KDM5A: variants seen among roughly 807,000 people sequenced by gnomAD.
KDM5A encodes the protein lysine-specific demethylase 5A.
A neutral mutation model predicts 193.5 loss-of-function variants in KDM5A; 42 were observed. That is an observed-to-expected ratio of 0.22 (90% CI 0.17 to 0.28). The LOEUF is 0.28. KDM5A is among the 10% of genes least tolerant of loss of function. KDM5A has a pLI of 1.00. For missense variants in KDM5A, 1,692 were observed against 2,055.1 expected (o/e 0.82, Z 3.42); for synonymous variants, 796 against 718.1 (o/e 1.11, Z -1.73).
intron 3 of KDM5A, among the ~76,000 whole-genome samples, chr12:370,164 A>G (rs1944407696): frequency 6.6e-6 from 1 of 152,194 alleles, no homozygotes; most frequent in Non-Finnish European, 1.5e-5. Flanking sequence ...AGGCCGAGGC[A>G]GGTGGATCAC....
intron 10 of KDM5A, among the ~76,000 whole-genome samples, chr12:348,178 G>A (rs1376534944): frequency 6.6e-6 from 1 of 152,114 alleles, no homozygotes; most frequent in Admixed American, 6.5e-5. Flanking sequence ...CATCATCACT[G>A]GCCATCAGAG....
intron 3 of KDM5A, among the ~76,000 whole-genome samples, chr12:378,300 ACT>A (rs1187398018): frequency 6.6e-6 from 1 of 151,920 alleles, no homozygotes; most frequent in Admixed American, 6.6e-5. Context: ...ACAGGGTCTT[ACT>A]CTGTTGCCCA....
Position 281,186 on chromosome 12 carries a change from C to A in KDM5A, c.*4270G>T, listed in dbSNP as rs55641830. 3,436 of 232,990 alleles carry A rather than the reference C, an allele frequency of 0.015. 100 individuals carry two copies. Among genetic ancestry groups the A allele is most frequent in the African/African-American group, 0.07 (3,167 of 45,374 alleles). The allele number at this position is 232,990 out of a possible 1,614,324, so 14.4% of individuals were successfully genotyped here. On this transcript the variant is annotated 3_prime_UTR_variant, in exon 28 of 28. Coordinates refer to ENST00000399788, the MANE Select transcript of KDM5A (RefSeq NM_001042603.3). ...GAAAACACAAGAAACACAAAACATGCTCAAAGATCAAGAAATCGAGTTATA... is the reference window on the plus strand; with the variant it reads ...GAAAACACAAGAAACACAAAACATGATCAAAGATCAAGAAATCGAGTTATA...
At chr12:350,003 C>T (rs1944133779) in intron 10 of KDM5A, among the ~76,000 whole-genome samples, 1 of 151,958 alleles carries the variant, frequency 6.6e-6, no homozygotes, top group Non-Finnish European at 1.5e-5. Context: ...TGGTGCATGC[C>T]TGTAATCCCA....
intron 3 of KDM5A, among the ~76,000 whole-genome samples, chr12:377,034 GA>G (rs35475782): frequency 2.6e-3 from 384 of 148,250 alleles, no homozygotes; most frequent in African/African-American, 9.0e-3. Context: ...CTAAAACAAG[GA>G]AAAAAAAAAA....
At chr12:326,798 G>T (rs544502848) in intron 14 of KDM5A, among the ~76,000 whole-genome samples, 2 of 150,364 alleles carry the variant, frequency 1.3e-5, no homozygotes, top group East Asian at 3.9e-4. Context: ...CCGCAGGGCG[G>T]AGCTTGCAGT....
chr12:281,815 A>C lies in KDM5A; in HGVS notation c.*3641T>G, dbSNP rs1019356438. 7 of 251,728 alleles carry C rather than the reference A, an allele frequency of 2.8e-5. No homozygotes were observed. The highest frequency in any genetic ancestry group is 4.4e-5 in the African/African-American group (2 of 45,590). The allele number at this position is 251,728 out of a possible 1,614,324, so 15.6% of individuals were successfully genotyped here. On this transcript the variant is annotated 3_prime_UTR_variant, in exon 28 of 28. Coordinates refer to ENST00000399788, the MANE Select transcript of KDM5A (RefSeq NM_001042603.3). The stretch of plus-strand genomic sequence containing the variant: ...TAAGTACTGGCTGATATTCACACAC[A>C]TGTACTACAGAATTAAAATACTGAC...
At chr12:376,381 G>T (rs758050614) in intron 3 of KDM5A, among the ~76,000 whole-genome samples, 2 of 152,366 alleles carry the variant, frequency 1.3e-5, no homozygotes, top group East Asian at 3.9e-4. Flanking sequence ...CTCCAAGCCA[G>T]GTGCAGGATA....
At chr12:308,739 C>T (rs1943544694) in intron 22 of KDM5A, among the ~76,000 whole-genome samples, 1 of 152,218 alleles carries the variant, frequency 6.6e-6, no homozygotes, top group African/African-American at 2.4e-5. Flanking sequence ...GTTAGGCAGG[C>T]TCTCTAATCA....
intron 27 of KDM5A, among the ~76,000 whole-genome samples, chr12:287,872 T>C (rs1943239821): frequency 1.3e-5 from 2 of 152,326 alleles, no homozygotes; most frequent in East Asian, 1.9e-4. Flanking sequence ...GTTTGCACTA[T>C]ACTCACTGGC....
chr12:348,764 G>A (rs576371437), intron 10 of KDM5A, among the ~76,000 whole-genome samples: 20 of 152,098 alleles, frequency 1.3e-4, no homozygotes, highest in African/African-American at 4.8e-4. Context: ...CCTGTCAGGG[G>A]GTGGGGGGCT....
At chr12:339,211 T>C (rs959302449) in intron 10 of KDM5A, among the ~76,000 whole-genome samples, 2 of 150,490 alleles carry the variant, frequency 1.3e-5, no homozygotes, top group African/African-American at 4.9e-5. Flanking sequence ...CAGAGAGGTG[T>C]GTTACCAGAT....
At chr12:289,153 CCAA>C (rs1477580398) in intron 27 of KDM5A, among the ~76,000 whole-genome samples, 1 of 151,596 alleles carries the variant, frequency 6.6e-6, no homozygotes, top group Non-Finnish European at 1.5e-5. Flanking sequence ...AAGGAAAAGG[CCAA>C]CAATAAGAGG....
intron 22 of KDM5A, among the ~76,000 whole-genome samples, chr12:308,367 C>G (rs549392415): frequency 6.6e-6 from 1 of 152,200 alleles, no homozygotes; most frequent in South Asian, 2.1e-4. Flanking sequence ...TACTACCAAC[C>G]GTATTTTGCT....
chr12:310,617 G>A (rs1186041469), intron 21 of KDM5A, among the ~76,000 whole-genome samples: 1 of 152,100 alleles, frequency 6.6e-6, no homozygotes, highest in Non-Finnish European at 1.5e-5. Context: ...CTGGGCGACA[G>A]GGCAAGACCC....
At chr12:316,866 A>C (rs1304267370) in intron 19 of KDM5A, among the ~76,000 whole-genome samples, 4 of 152,220 alleles carry the variant, frequency 2.6e-5, no homozygotes, top group Admixed American at 2.6e-4. Flanking sequence ...AATGCATCCA[A>C]AGTAAGTGGC....
At chr12:320,224 C>T (rs1434514215) in intron 18 of KDM5A, among the ~76,000 whole-genome samples, 3 of 152,062 alleles carry the variant, frequency 2.0e-5, no homozygotes, top group Admixed American at 6.5e-5. Flanking sequence ...AGGCCGGGTG[C>T]GGTGGCTCAT....
chr12:336,917 G>T (rs1240569026), intron 10 of KDM5A, among the ~76,000 whole-genome samples: 1 of 152,074 alleles, frequency 6.6e-6, no homozygotes, highest in Non-Finnish European at 1.5e-5. Context: ...GTTCTTCAGA[G>T]GACAATAAAA....
At chr12:312,944 T>C in intron 20 of KDM5A, 112 bp downstream of exon 20, 1 of 1,186,898 alleles carries the variant, frequency 8.4e-7, no homozygotes. Flanking sequence ...TCGATCTAAG[T>C]TAGGGATCGT....
Sources: allele counts gnomAD v4.1 joint callset (sites outside exome capture counted in the v4.1 genomes callset), GRCh38; gene constraint gnomAD v4.1.1; transcripts MANE v1.5; gene names NCBI Gene and HGNC (gene_info 2026-07-23, HGNC 2026-07-21).